The following C1orf87 variants were observed in gnomAD, a reference collection of about 807,000 sequenced individuals.
C1orf87 encodes the protein chromosome 1 open reading frame 87.
C1orf87 carries 58 observed loss-of-function variants against 60.5 expected under a neutral mutation model. The ratio of observed to expected loss-of-function variants is 0.96; its 90% CI spans 0.78 to 1.19. The LOEUF is 1.19. C1orf87 is among the 50% of genes most tolerant of loss of function. The probability of loss-of-function intolerance (pLI) is 0.00; values close to 1 mark genes in which losing one functional copy is unlikely to be tolerated. For missense variants in C1orf87, 673 were observed against 638.6 expected (o/e 1.05, Z -0.58); for synonymous variants, 236 against 227.4 (o/e 1.04, Z -0.34).
intron 1 of C1orf87, among the ~76,000 whole-genome samples, 174 bp from the exon 2 acceptor site, chr1:60,072,844 T>G (rs1425833703): frequency 6.6e-6 from 1 of 152,212 alleles, no homozygotes; most frequent in Non-Finnish European, 1.5e-5. Context: ...CTATTATCAT[T>G]TTTGTTTTAC....
chr1:60,019,121 C>A (rs1645144059), intron 8 of C1orf87, among the ~76,000 whole-genome samples: 1 of 152,168 alleles, frequency 6.6e-6, no homozygotes, highest in Admixed American at 6.5e-5. Flanking sequence ...AATCTAATGT[C>A]AAACTGTATT....
intron 2 of C1orf87, among the ~76,000 whole-genome samples, chr1:60,064,850 A>G (rs1321678224): frequency 5.7e-5 from 5 of 87,336 alleles, no homozygotes; most frequent in Non-Finnish European, 1.0e-4. Context: ...TTATATATTT[A>G]TATATTTATT....
In C1orf87 at chr1:60,040,006, G is replaced by A. The variant is rs762859456; in HGVS notation, c.658C>T (p.Arg220Cys). The A allele has an allele frequency of 3.0e-5, 49 of 1,613,954 alleles. No individual in the cohort carries two copies. The highest frequency in any genetic ancestry group is 6.7e-5 in the East Asian group (3 of 44,896). The change falls in exon 5 of 12, where the codon CGC becomes TGC. Residue 220 changes from arginine (R) to cysteine (C), a missense_variant. By Grantham distance (180) the Arg-to-Cys change is radical. Transcript: ENST00000371201. Reference sequence around the variant, plus strand: ...GGGACTTCATGCTTCAAAAAGAGGCGGCTCAGCTGAGATTGGAGAAGAAAT... The same window carrying A: ...GGGACTTCATGCTTCAAAAAGAGGCAGCTCAGCTGAGATTGGAGAAGAAAT... Reference protein sequence around the residue: ...SGFLLQSQLSRLFLKHEVPLQ... With the variant: ...SGFLLQSQLSCLFLKHEVPLQ...
At chr1:60,032,859 G>A (rs747774829) in intron 7 of C1orf87, among the ~76,000 whole-genome samples, 9 of 152,144 alleles carry the variant, frequency 5.9e-5, no homozygotes, top group East Asian at 3.8e-4. Context: ...CATTTAGCAC[G>A]GTGCTTGGCA....
intron 1 of C1orf87, among the ~76,000 whole-genome samples, chr1:60,073,189 G>A (rs1158474972): frequency 6.6e-6 from 1 of 152,206 alleles, no homozygotes; most frequent in Non-Finnish European, 1.5e-5. Flanking sequence ...CTGTACACAA[G>A]ACAGACAGAC....
At chr1:60,050,532 G>C (rs1192696391) in intron 3 of C1orf87, among the ~76,000 whole-genome samples, 1 of 149,260 alleles carries the variant, frequency 6.7e-6, no homozygotes, top group Non-Finnish European at 1.5e-5. Context: ...CTTGATTGTT[G>C]GTAGTTTTTT....
rs140073695 is a variant in C1orf87, at chr1:60,050,884, A to G, written c.342+4320T>C. ...ACAGATAAGGAAACAGTTTATTTTA[A>G]TAGTATGGCAACATCTACTGTAGAA... On this transcript the variant is annotated intron_variant, in intron 3 of 11. Transcript: ENST00000371201. Among the ~76,000 whole-genome samples the G allele has an allele frequency of 5.3e-5, 8 of 152,304 alleles. No individual in the cohort carries two copies. The East Asian group carries it at 1.5e-3, about 29-fold the overall frequency.
In C1orf87 at chr1:60,033,578, C is replaced by T; in HGVS notation, c.927G>A (p.Lys309=). 1 of 1,613,468 alleles carries T rather than the reference C, an allele frequency of 6.2e-7. No homozygotes were observed. The highest frequency in any genetic ancestry group is 1.1e-5 in the South Asian group (1 of 90,844). ...TGCCATTGGTTGTCCTTAGTGCCAT[C>T]TTCAAAATCTCCAACAGACTCCTGT... ...EVNRSLLEIL[K]MALRTTNGRL... is the part of the protein sequence containing the mutation. Residue 309 remains lysine, a synonymous_variant, in exon 7 of 12, where the codon AAG becomes AAA. Transcript: ENST00000371201.
rs767847353 is a variant in C1orf87, at chr1:60,018,834, C to T, written c.1127+6567G>A. ...TTCATCGATTGATGTGGCTCATAACCTTTACCCTTTATTTTTCTGTATTGC... is the reference window on the plus strand; with the variant it reads ...TTCATCGATTGATGTGGCTCATAACTTTTACCCTTTATTTTTCTGTATTGC... On this transcript the variant is annotated intron_variant, in intron 8 of 11. Coordinates refer to ENST00000371201, the MANE Select transcript of C1orf87 (RefSeq NM_152377.3). Among the ~76,000 whole-genome samples, 13 of 152,254 alleles carry T rather than the reference C, an allele frequency of 8.5e-5. No homozygotes were observed. The South Asian group carries it at 1.7e-3, about 19-fold the overall frequency.
At chr1:60,052,359 T>C (rs1258406443) in intron 3 of C1orf87, among the ~76,000 whole-genome samples, 1 of 152,190 alleles carries the variant, frequency 6.6e-6, no homozygotes, top group African/African-American at 2.4e-5. Flanking sequence ...AACATACGCA[T>C]ATAAAGCAGA....
At chr1:60,018,574 C>T (rs993587954) in intron 8 of C1orf87, among the ~76,000 whole-genome samples, 1 of 152,196 alleles carries the variant, frequency 6.6e-6, no homozygotes, top group African/African-American at 2.4e-5. Flanking sequence ...ATAATGTGAG[C>T]TTTGATACTT....
chr1:60,056,435 ACT>A, intron 2 of C1orf87, among the ~76,000 whole-genome samples: 1 of 152,120 alleles, frequency 6.6e-6, no homozygotes, highest in Non-Finnish European at 1.5e-5. Flanking sequence ...AAAAAAGAAA[ACT>A]CTAAATATTT....
At chr1:60,067,146 A>G (rs1354730418) in intron 2 of C1orf87, among the ~76,000 whole-genome samples, 1 of 152,296 alleles carries the variant, frequency 6.6e-6, no homozygotes, top group East Asian at 1.9e-4. Context: ...ATACGTGTGC[A>G]TGTGTCTTTA....
chr1:59,998,884 T>C (rs932743392), intron 10 of C1orf87, among the ~76,000 whole-genome samples: 1 of 152,144 alleles, frequency 6.6e-6, no homozygotes, highest in Non-Finnish European at 1.5e-5. Flanking sequence ...TTTTAGTTCA[T>C]TGTTGCATTT....
At chr1:59,994,152 T>G (rs1644947218) in intron 11 of C1orf87, among the ~76,000 whole-genome samples, 1 of 152,196 alleles carries the variant, frequency 6.6e-6, no homozygotes, top group Non-Finnish European at 1.5e-5. Flanking sequence ...CTGGGAAGTA[T>G]GTTTTATTAT....
chr1:60,019,033 G>T (rs558437842), intron 8 of C1orf87, among the ~76,000 whole-genome samples: 1 of 152,146 alleles, frequency 6.6e-6, no homozygotes, highest in Non-Finnish European at 1.5e-5. Flanking sequence ...CTAAATAAAT[G>T]AATAAGTAAA....
chr1:59,999,653 G>T (rs1003117303), intron 10 of C1orf87, among the ~76,000 whole-genome samples: 3 of 151,982 alleles, frequency 2.0e-5, no homozygotes, highest in African/African-American at 7.2e-5. Flanking sequence ...TCACTGTTTT[G>T]GTCCCACTGT....
At chr1:60,013,399 G>T (rs1645103099) in intron 8 of C1orf87, among the ~76,000 whole-genome samples, 1 of 151,892 alleles carries the variant, frequency 6.6e-6, no homozygotes, top group African/African-American at 2.4e-5. Context: ...ATTCTGCTAT[G>T]AAAGTTTTAG....
At chr1:60,044,292 A>C (rs901210338) in intron 3 of C1orf87, among the ~76,000 whole-genome samples, 1 of 152,130 alleles carries the variant, frequency 6.6e-6, no homozygotes, top group Admixed American at 6.5e-5. Context: ...GGCCTCCCAA[A>C]GCGCTGGGAT....
Sources: allele counts gnomAD v4.1 joint callset (sites outside exome capture counted in the v4.1 genomes callset), GRCh38; gene constraint gnomAD v4.1.1; transcripts MANE v1.5; gene names NCBI Gene and HGNC (gene_info 2026-07-23, HGNC 2026-07-21).